JAKMIP3: variants seen among roughly 807,000 people sequenced by gnomAD.
The protein encoded by JAKMIP3 is janus kinase and microtubule-interacting protein 3.
In JAKMIP3, 58 loss-of-function variants were observed where a neutral mutation model predicts 118.5. The ratio of observed to expected loss-of-function variants is 0.49; its 90% CI spans 0.40 to 0.61. The LOEUF (loss-of-function observed/expected upper bound fraction) is 0.61. Ranked by LOEUF, JAKMIP3 falls within the 20% of genes least tolerant of loss-of-function variation. The pLI is 0.00. For synonymous variants in JAKMIP3, 486 were observed against 451.2 expected, an observed-to-expected ratio of 1.08 and a Z score of -0.98; for missense variants, 950 against 1,109.0, an observed-to-expected ratio of 0.86 and a Z score of 2.04.
intron 23 of JAKMIP3, among the ~76,000 whole-genome samples, chr10:132,176,861 G>A (rs764154551): frequency 6.6e-6 from 1 of 151,880 alleles, no homozygotes. Context: ...CGCTGGTGCC[G>A]CGACTCCTCA....
chr10:132,036,531 C>G (rs1443500568), upstream of JAKMIP3, among the ~76,000 whole-genome samples: 1 of 152,082 alleles, frequency 6.6e-6, no homozygotes, highest in Non-Finnish European at 1.5e-5. Context: ...TCCGCGGAGA[C>G]CGGGACTGCG....
chr10:132,055,387 A>C (rs1391129314), intron 1 of JAKMIP3, among the ~76,000 whole-genome samples: 7 of 152,244 alleles, frequency 4.6e-5, no homozygotes, highest in Admixed American at 3.9e-4. Context: ...AGCATTGATC[A>C]GTACTTGGTC....
intron 10 of JAKMIP3, among the ~76,000 whole-genome samples, chr10:132,140,929 G>C (rs1247241272): frequency 6.6e-6 from 1 of 152,214 alleles, no homozygotes; most frequent in East Asian, 1.9e-4. Context: ...TCCCCAGGAG[G>C]GTCTGAACCA....
intron 3 of JAKMIP3, among the ~76,000 whole-genome samples, chr10:132,119,720 C>T (rs2048245874): frequency 6.6e-6 from 1 of 152,216 alleles, no homozygotes; most frequent in South Asian, 2.1e-4. Flanking sequence ...ATCATCTTTG[C>T]TGTAAATTAA....
upstream of JAKMIP3, among the ~76,000 whole-genome samples, chr10:132,063,584 CA>C (rs2038483737): frequency 6.6e-6 from 1 of 152,198 alleles, no homozygotes; most frequent in African/African-American, 2.4e-5. Context: ...CAGCCCGGCC[CA>C]GCACCCACCT....
At chr10:132,074,945 C>T (rs2040540924) in intron 1 of JAKMIP3, among the ~76,000 whole-genome samples, 1 of 152,134 alleles carries the variant, frequency 6.6e-6, no homozygotes, top group Non-Finnish European at 1.5e-5. Context: ...GTCATTTCCC[C>T]AGTGCATGTT....
Position 132,117,306 on chromosome 10 carries a change from C to T in JAKMIP3, c.365C>T (p.Ala122Val), listed in dbSNP as rs372347107. 2 of 1,613,962 alleles carry T rather than the reference C, an allele frequency of 1.2e-6. No individual in the cohort carries two copies. Among genetic ancestry groups the T allele is most frequent in the Non-Finnish European group, 8.5e-7 (1 of 1,179,900 alleles). The change falls in exon 3 of 24, where the codon GCC becomes GTC. Residue 122 changes from alanine (A) to valine (V), a missense_variant. Coordinates refer to ENST00000684848, the MANE Select transcript of JAKMIP3 (RefSeq NM_001323087.2). The surrounding 1 kb of genome is among the most constrained non-coding windows in gnomAD (Gnocchi z 8.6). ...CAGCGGCTGCAGGCACTGCTCAGTG[C>T]CCTGCGTGATGGCGGCCCCGAAAAG... is the stretch of plus-strand genomic sequence containing the variant. The part of the protein sequence containing the change: ...ENQRLQALLS[A>V]LRDGGPEKVK...
At position 132,133,314 on chromosome 10, in the gene JAKMIP3, G is replaced by A; in HGVS notation, c.636G>A (p.Met212Ile). ...KECEREIRRLMEEIKFKDRAV... is the reference protein window; with the variant it reads ...KECEREIRRLIEEIKFKDRAV... ...ATTGTGTTCTGTTCTCCTTGTAGAT[G>A]GAGGAGATAAAATTTAAAGACAGAG... Residue 212 changes from methionine to isoleucine, a missense_variant and splice_region_variant, in exon 4 of 24, where the codon ATG becomes ATA. Transcript: ENST00000684848. The A allele has an allele frequency of 1.9e-6, 3 of 1,578,426 alleles. No individual in the cohort carries two copies. The highest frequency in any genetic ancestry group is 2.6e-6 in the Non-Finnish European group (3 of 1,160,922).
intron 2 of JAKMIP3, among the ~76,000 whole-genome samples, chr10:132,111,853 A>G (rs768713919): frequency 3.3e-5 from 5 of 152,142 alleles, no homozygotes; most frequent in Non-Finnish European, 5.9e-5. Context: ...TGAGGGGAGC[A>G]GAGAGCAGTG....
At chr10:132,088,292 C>T (rs553474141) in intron 1 of JAKMIP3, among the ~76,000 whole-genome samples, 1 of 152,300 alleles carries the variant, frequency 6.6e-6, no homozygotes, top group South Asian at 2.1e-4. Context: ...CTCTGATTTC[C>T]ACAGTGGTTG....
In JAKMIP3 at chr10:132,111,806, C is replaced by T. The variant is rs1014881989; in HGVS notation, c.136-5271C>T. The stretch of plus-strand genomic sequence containing the variant: ...TGTTTATATATTTAAAATATTTTGA[C>T]GTGTTAAACATACCCTCTGGCTGCT... On this transcript the variant is annotated intron_variant, in intron 2 of 23. Transcript: ENST00000684848. Among the ~76,000 whole-genome samples the T allele has an allele frequency of 2.8e-4, 42 of 152,138 alleles. 1 individual carries two copies. The highest frequency in any genetic ancestry group is 8.9e-4 in the African/African-American group (37 of 41,474).
At chr10:132,126,814 T>A (rs1256977749) in intron 3 of JAKMIP3, among the ~76,000 whole-genome samples, 2 of 152,228 alleles carry the variant, frequency 1.3e-5, no homozygotes, top group Admixed American at 6.5e-5. Context: ...AAAATAAGCA[T>A]TGTATTTTTG....
At chr10:132,153,711 G>C in intron 17 of JAKMIP3, 48 bp from the exon 18 acceptor site, 1 of 1,587,058 alleles carries the variant, frequency 6.3e-7, no homozygotes, top group Non-Finnish European at 8.6e-7. Flanking sequence ...ACGAGCCGGG[G>C]TGGGGGACCC....
chr10:132,147,564 C>T (rs968247189), intron 13 of JAKMIP3, among the ~76,000 whole-genome samples: 38 of 152,254 alleles, frequency 2.5e-4, no homozygotes, highest in African/African-American at 8.7e-4. Context: ...GGCCTCCCTT[C>T]CTCATCCTAG....
intron 20 of JAKMIP3, among the ~76,000 whole-genome samples, 182 bp downstream of exon 20, chr10:132,163,594 C>T (rs4880241): frequency 0.44 from 66,983 of 151,938 alleles, 16,533 homozygotes; most frequent in Admixed American, 0.62. Flanking sequence ...GCCCCCAAAC[C>T]GTCACGCCTT....
At chr10:132,075,373 T>C (rs985043628) in intron 1 of JAKMIP3, among the ~76,000 whole-genome samples, 1 of 151,696 alleles carries the variant, frequency 6.6e-6, no homozygotes, top group Non-Finnish European at 1.5e-5. Context: ...TTTTCCATTT[T>C]TTTTTTTTGC....
In JAKMIP3 at chr10:132,042,846, T is replaced by C. The variant is rs1417286058; in HGVS notation, c.-138+6108T>C. Among the ~76,000 whole-genome samples the C allele has an allele frequency of 4.6e-5, 7 of 152,080 alleles. No individual in the cohort carries two copies. In the South Asian group the frequency reaches 6.2e-4, roughly 14 times the overall value. On this transcript the variant is annotated intron_variant, in intron 1 of 23. Transcript: ENST00000657785. ...GCTGGTCCTATAAAAGGCTTTTCCT[T>C]TGGGAGCCCAGGGTGGGTGGATTGC...
chr10:132,043,654 G>A (rs1441180738), intron 1 of JAKMIP3, among the ~76,000 whole-genome samples: 1 of 152,186 alleles, frequency 6.6e-6, no homozygotes, highest in South Asian at 2.1e-4. Context: ...GGGTCCAGGA[G>A]CCCGTGGACA....
chr10:132,152,916 G>T (rs1373827687), intron 16 of JAKMIP3, 42 bp from the exon 17 acceptor site: 3 of 1,509,800 alleles, frequency 2.0e-6, no homozygotes, highest in Admixed American at 3.8e-5. Flanking sequence ...ACCCCCAAAG[G>T]CACTGCTTCT....
Sources: gnomAD v4.1 joint callset for allele counts (sites outside exome capture counted in the v4.1 genomes callset) on GRCh38, gnomAD v4.1.1 for gene constraint, Gnocchi (gnomAD v3.1) non-coding constraint, MANE v1.5 for transcripts, NCBI Gene and HGNC (gene_info 2026-07-23, HGNC 2026-07-21) for gene names.